Variants in BANP observed in about 807,000 individuals in gnomAD.
BANP encodes protein BANP.
A neutral mutation model predicts 68.1 loss-of-function variants in BANP; 11 were observed. That is an observed-to-expected ratio of 0.16 (90% confidence interval 0.10 to 0.27). The LOEUF is 0.27. BANP is among the 10% of genes least tolerant of loss of function. The pLI is 1.00. For missense variants in BANP, 504 were observed against 722.7 expected (o/e 0.70, Z 3.47); for synonymous variants, 329 against 303.2 (o/e 1.09, Z -0.88).
chr16:88,073,482 C>T (rs541288134), intron 13 of BANP, among the ~76,000 whole-genome samples: 3 of 152,270 alleles, frequency 2.0e-5, no homozygotes, highest in East Asian at 3.9e-4. Context: ...TCCACATTGT[C>T]GCCGACCTCA....
intron 13 of BANP, among the ~76,000 whole-genome samples, chr16:88,075,464 C>T (rs1181893842): frequency 6.6e-6 from 1 of 152,128 alleles, no homozygotes; most frequent in Non-Finnish European, 1.5e-5. Flanking sequence ...GCTTGCACTA[C>T]TGCACTCCAA....
intron 11 of BANP, among the ~76,000 whole-genome samples, chr16:88,061,227 G>T (rs936624300): frequency 3.9e-5 from 6 of 151,938 alleles, no homozygotes; most frequent in African/African-American, 1.5e-4. Flanking sequence ...TGAATGTGGG[G>T]TCTCCCGGGG....
Position 88,004,234 on chromosome 16 carries a change from C to T in BANP, c.363-61C>T, listed in dbSNP as rs907384580. 3 of 1,030,302 alleles carry T rather than the reference C, an allele frequency of 2.9e-6. No homozygotes were observed. Among genetic ancestry groups the T allele is most frequent in the African/African-American group, 3.2e-5 (2 of 63,102 alleles). 63.8% of individuals were successfully genotyped at this position (1,030,302 alleles called of 1,614,324 possible). The stretch of plus-strand genomic sequence containing the variant: ...CTGTGTTGAATGACTCTTATGTGCT[C>T]TTACCATGAATGTTGTTGTTTTAAG... On this transcript the variant is annotated intron_variant, in intron 4 of 13. Coordinates refer to ENST00000682872, the MANE Select transcript of BANP (RefSeq NM_001386991.1). This position sits in a 1 kb window ranked among gnomAD's most constrained non-coding sequence, Gnocchi z 7.0.
At chr16:87,954,401 T>A (rs1351331792) in intron 1 of BANP, among the ~76,000 whole-genome samples, 1 of 152,246 alleles carries the variant, frequency 6.6e-6, no homozygotes. Flanking sequence ...AAAAAAGTGT[T>A]GGCTTCTTCC....
rs1019390970 is a variant in BANP at position 88,071,957 on chromosome 16, G to T, written c.1378-112G>T. On this transcript the variant is annotated intron_variant, in intron 12 of 13. Transcript: ENST00000682872. This position sits in a 1 kb window ranked among gnomAD's most constrained non-coding sequence, Gnocchi z 6.5. ...GTGGCCCTGAGGCCGTGTCCCTGCC[G>T]CTCAGGGGACAGCACGTGTGGGCTG... 2 of 1,419,058 alleles carry T rather than the reference G, an allele frequency of 1.4e-6. No homozygotes were observed. Among genetic ancestry groups the T allele is most frequent in the African/African-American group, 2.8e-5 (2 of 70,486 alleles). 87.9% of individuals were successfully genotyped at this position (1,419,058 alleles called of 1,614,324 possible). A position where few individuals can be genotyped will look rare whatever the true frequency, so the allele number is the denominator to read the frequency against.
chr16:88,068,704 C>T (rs771174861), intron 12 of BANP, among the ~76,000 whole-genome samples: 2 of 152,040 alleles, frequency 1.3e-5, no homozygotes, highest in African/African-American at 2.4e-5. Flanking sequence ...ACTGCCTGGG[C>T]GCGTGGTGGA....
intron 6 of BANP, among the ~76,000 whole-genome samples, chr16:88,012,946 CAGT>C (rs2073561326): frequency 6.6e-6 from 1 of 151,800 alleles, no homozygotes; most frequent in Non-Finnish European, 1.5e-5. Flanking sequence ...TTTTTCCCGA[CAGT>C]AGGGAATTCT....
intron 12 of BANP, among the ~76,000 whole-genome samples, chr16:88,069,531 G>A (rs1035198948): frequency 5.9e-5 from 9 of 152,256 alleles, no homozygotes; most frequent in African/African-American, 1.2e-4. Context: ...CGCTATGGAC[G>A]GTGGTGGCCC....
At chr16:87,968,780 A>T (rs1233184192) in intron 1 of BANP, among the ~76,000 whole-genome samples, 2 of 152,124 alleles carry the variant, frequency 1.3e-5, no homozygotes, top group South Asian at 2.1e-4. Flanking sequence ...GTGTTTGAAG[A>T]ACATGAGCGT....
At chr16:88,030,849 G>A (rs1313608119) in intron 8 of BANP, among the ~76,000 whole-genome samples, 1 of 152,248 alleles carries the variant, frequency 6.6e-6, no homozygotes, top group Admixed American at 6.5e-5. Context: ...GCTGTCCAGG[G>A]ACAGACTGTC....
At chr16:88,035,956 G>A (rs2079241846) in intron 10 of BANP, among the ~76,000 whole-genome samples, 1 of 152,244 alleles carries the variant, frequency 6.6e-6, no homozygotes, top group Admixed American at 6.5e-5. Context: ...CACGCACTCA[G>A]AAGTGCGGGC....
chr16:88,027,403 G>A (rs1483183441), intron 7 of BANP, 80 bp from the exon 8 acceptor site: 4 of 1,536,174 alleles, frequency 2.6e-6, no homozygotes, highest in Non-Finnish European at 3.6e-6. Context: ...TCTTCAGCGG[G>A]CCCCGGCCCT....
At chr16:87,994,137 C>T (rs2066593802) in intron 4 of BANP, among the ~76,000 whole-genome samples, 1 of 152,150 alleles carries the variant, frequency 6.6e-6, no homozygotes, top group South Asian at 2.1e-4. Flanking sequence ...GTCCTCTGAA[C>T]ATGCGAAGGG....
At chr16:88,021,275 G>A (rs569498634) in intron 7 of BANP, among the ~76,000 whole-genome samples, 19 of 152,212 alleles carry the variant, frequency 1.2e-4, no homozygotes, top group Non-Finnish European at 2.6e-4. Flanking sequence ...TCTGGAGCAC[G>A]GTCCCCTGGC....
intron 4 of BANP, among the ~76,000 whole-genome samples, chr16:88,001,297 C>G (rs954029124): frequency 9.3e-6 from 1 of 107,638 alleles, no homozygotes; most frequent in African/African-American, 4.1e-5. Context: ...AACATGCACG[C>G]ACGTGCGCGG....
chr16:88,058,645 CCA>C (rs1188106001), intron 11 of BANP, among the ~76,000 whole-genome samples: 1 of 152,120 alleles, frequency 6.6e-6, no homozygotes, highest in East Asian at 1.9e-4. Context: ...AGTCGCAGCC[CCA>C]GATGAAACGT....
At chr16:88,066,944 A>G (rs2088807520) in intron 12 of BANP, among the ~76,000 whole-genome samples, 1 of 152,252 alleles carries the variant, frequency 6.6e-6, no homozygotes, top group Non-Finnish European at 1.5e-5. Flanking sequence ...GGTCAGAGCC[A>G]TCGGCCGGGG....
chr16:87,994,372 A>G (rs1006748385), intron 4 of BANP, among the ~76,000 whole-genome samples: 4 of 152,246 alleles, frequency 2.6e-5, no homozygotes, highest in African/African-American at 9.6e-5. Context: ...TTGGAGCACA[A>G]GCATGGCTCC....
intron 4 of BANP, among the ~76,000 whole-genome samples, chr16:87,993,554 C>G (rs377127503): frequency 6.6e-6 from 1 of 152,142 alleles, no homozygotes; most frequent in African/African-American, 2.4e-5. Context: ...GACATTCCCT[C>G]CATTCCCTCT....
Sources: gnomAD v4.1 joint callset for allele counts (sites outside exome capture counted in the v4.1 genomes callset) on GRCh38, gnomAD v4.1.1 for gene constraint, Gnocchi (gnomAD v3.1) non-coding constraint, MANE v1.5 for transcripts, NCBI Gene and HGNC (gene_info 2026-07-23, HGNC 2026-07-21) for gene names.